The following SGCD variants were observed in gnomAD, a reference collection of about 807,000 sequenced individuals.
The protein encoded by SGCD is sarcoglycan delta.
SGCD carries 18 observed loss-of-function variants against 36.6 expected under a neutral mutation model. That is an observed-to-expected ratio of 0.49 (90% CI 0.34 to 0.73). The LOEUF is 0.73. Among genes scored for constraint, SGCD ranks in the 30% least tolerant of loss-of-function variants. The pLI, the probability that SGCD is intolerant of heterozygous loss-of-function variation, is 0.01. For synonymous variants in SGCD, 133 were observed against 130.6 expected (o/e 1.02, Z -0.12); for missense variants, 387 against 346.7 (o/e 1.12, Z -0.92).
At chr5:156,536,900 C>T (rs1758137694) in intron 4 of SGCD, among the ~76,000 whole-genome samples, 2 of 152,156 alleles carry the variant, frequency 1.3e-5, no homozygotes, top group Admixed American at 1.3e-4. Flanking sequence ...TCATCATCTT[C>T]TGATGTGCGA....
In SGCD at chr5:156,055,084, G is replaced by A. The variant is rs1011292427; in HGVS notation, c.-281-62794G>A. Among the ~76,000 whole-genome samples the A allele has an allele frequency of 2.1e-5, 3 of 146,250 alleles. 1 individual carries two copies. The highest frequency in any genetic ancestry group is 6.8e-5 in the Admixed American group (1 of 14,682). ...GGAGTTAGGAGATGTTTGCCTTCAG[G>A]TAGTATGTGAGAGAAAACTTTCTCC... is the stretch of plus-strand genomic sequence containing the variant. On this transcript the variant is annotated intron_variant, in intron 1 of 9. Transcript: ENST00000517913.
rs113968468 is a variant in SGCD, at chr5:156,481,858, G to A, written c.193-26743G>A. ...GCTTTCTCTACTCCCTGTGGCCTCT[G>A]TGAGCAAGTCTTTGAAGAGGTGCCA... On this transcript the variant is annotated intron_variant, in intron 3 of 8. Coordinates refer to ENST00000337851, the MANE Select transcript of SGCD (RefSeq NM_000337.6). Among the ~76,000 whole-genome samples, 1,507 of 152,278 alleles carry A rather than the reference G, an allele frequency of 9.9e-3. 18 individuals carry two copies. The highest frequency in any genetic ancestry group is 0.034 in the African/African-American group (1,410 of 41,536).
At position 156,767,430 on chromosome 5, in the gene SGCD, A is replaced by G. The variant is rs1272592696; in HGVS notation, c.*8040A>G. ...GCGCTTCTGAAGAAGCCGGATTCTG[A>G]TGTTCTTAACCAAAATGGTGAGGTC... is the stretch of plus-strand genomic sequence containing the variant. On this transcript the variant is annotated 3_prime_UTR_variant, in exon 9 of 9. Coordinates refer to ENST00000337851, the MANE Select transcript of SGCD (RefSeq NM_000337.6). 7.2e-6 allele frequency: 1 copy of G among 138,630 alleles called. No homozygotes were observed. The highest frequency in any genetic ancestry group is 7.7e-5 in the Admixed American group (1 of 13,046). 8.6% of individuals were successfully genotyped at this position (138,630 alleles called of 1,614,324 possible). A position where few individuals can be genotyped will look rare whatever the true frequency, so the allele number is the denominator to read the frequency against.
At chr5:156,573,251 C>G (rs1759794596) in intron 4 of SGCD, among the ~76,000 whole-genome samples, 1 of 152,126 alleles carries the variant, frequency 6.6e-6, no homozygotes, top group South Asian at 2.1e-4. Context: ...GATAATGAGC[C>G]TGGGATCCAG....
intron 3 of SGCD, among the ~76,000 whole-genome samples, chr5:156,231,796 T>C (rs30273): frequency 0.58 from 88,818 of 151,892 alleles, 26,153 homozygotes; most frequent in East Asian, 0.7. Flanking sequence ...GACTCATGTA[T>C]AACATAGATC....
the SGCD span, among the ~76,000 whole-genome samples, chr5:155,820,303 G>A: frequency 3.3e-5 from 5 of 152,104 alleles, no homozygotes; most frequent in Admixed American, 3.3e-4. Flanking sequence ...CAGCAGACAG[G>A]CAGAATTGGA....
chr5:156,757,373 C>G (rs933821460), intron 7 of SGCD, among the ~76,000 whole-genome samples: 8 of 149,248 alleles, frequency 5.4e-5, no homozygotes, highest in Non-Finnish European at 7.4e-5. Flanking sequence ...AGAACACTTT[C>G]CTTACAGCCT....
intron 3 of SGCD, among the ~76,000 whole-genome samples, chr5:156,504,033 A>G (rs932657905): frequency 6.6e-6 from 1 of 151,984 alleles, no homozygotes; most frequent in Non-Finnish European, 1.5e-5. Flanking sequence ...GTGAAACCCC[A>G]TCACTACTAA....
the SGCD span, among the ~76,000 whole-genome samples, chr5:155,809,066 G>A: frequency 2.0e-5 from 3 of 152,178 alleles, no homozygotes; most frequent in Non-Finnish European, 2.9e-5. Context: ...GTGGATACAC[G>A]AGTCTATAGC....
chr5:156,168,550 A>C (rs1416099636), intron 3 of SGCD, among the ~76,000 whole-genome samples: 1 of 152,182 alleles, frequency 6.6e-6, no homozygotes, highest in East Asian at 1.9e-4. Context: ...ACTCCAGCCG[A>C]AGTAATGCCA....
intron 3 of SGCD, among the ~76,000 whole-genome samples, chr5:156,259,687 G>A (rs1421530371): frequency 6.6e-6 from 1 of 151,972 alleles, no homozygotes; most frequent in Non-Finnish European, 1.5e-5. Flanking sequence ...TTCTTGTATT[G>A]GTAACATAAT....
At chr5:156,398,382 T>G (rs748338831) in intron 3 of SGCD, among the ~76,000 whole-genome samples, 1 of 152,198 alleles carries the variant, frequency 6.6e-6, no homozygotes, top group Non-Finnish European at 1.5e-5. Context: ...GGGAATGTTC[T>G]GAACATCTGA....
chr5:156,430,770 A>G (rs1218736626), intron 3 of SGCD, among the ~76,000 whole-genome samples: 1 of 151,972 alleles, frequency 6.6e-6, no homozygotes, highest in African/African-American at 2.4e-5. Context: ...TTCTTAGTTG[A>G]AGGGATTATT....
At chr5:155,908,369 T>A (rs890067558) in intron 1 of SGCD, among the ~76,000 whole-genome samples, 1 of 152,156 alleles carries the variant, frequency 6.6e-6, no homozygotes, top group African/African-American at 2.4e-5. Flanking sequence ...TTCCAGTTCT[T>A]CATATGATGT....
At chr5:155,986,389 C>T (rs768399295) in intron 1 of SGCD, among the ~76,000 whole-genome samples, 1 of 152,176 alleles carries the variant, frequency 6.6e-6, no homozygotes, top group South Asian at 2.1e-4. Flanking sequence ...ACAGCTGATT[C>T]ACATGCATGG....
At chr5:156,314,132 A>C (rs2127692353) in intron 3 of SGCD, among the ~76,000 whole-genome samples, 1 of 152,162 alleles carries the variant, frequency 6.6e-6, no homozygotes, top group East Asian at 1.9e-4. Flanking sequence ...AGTCAAAAAT[A>C]TAAAATTAAT....
the SGCD span, among the ~76,000 whole-genome samples, chr5:155,788,199 A>G: frequency 2.6e-5 from 4 of 152,172 alleles, no homozygotes; most frequent in African/African-American, 4.8e-5. Flanking sequence ...TTTTCTCAAA[A>G]CATGGTTTTT....
chr5:156,632,678 A>G (rs1338133652), intron 6 of SGCD, among the ~76,000 whole-genome samples: 4 of 152,188 alleles, frequency 2.6e-5, no homozygotes, highest in African/African-American at 9.6e-5. Context: ...GGTTTATGTA[A>G]CAAAGCCAGT....
At chr5:156,485,346 G>T (rs768404012) in intron 3 of SGCD, among the ~76,000 whole-genome samples, 1 of 152,160 alleles carries the variant, frequency 6.6e-6, no homozygotes. Flanking sequence ...GGTGGAAAAA[G>T]GAAATGCTAG....
Sources: gnomAD v4.1 joint callset for allele counts (sites outside exome capture counted in the v4.1 genomes callset) on GRCh38, gnomAD v4.1.1 for gene constraint, MANE v1.5 for transcripts, NCBI Gene and HGNC (gene_info 2026-07-23, HGNC 2026-07-21) for gene names.